TMEFF2: variants seen among roughly 807,000 people sequenced by gnomAD.
The protein encoded by TMEFF2 is tomoregulin-2.
Under a neutral mutation model 53.8 loss-of-function variants are expected in TMEFF2, and 28 were observed. That is an observed-to-expected ratio of 0.52 (90% confidence interval 0.39 to 0.71). TMEFF2 has a LOEUF of 0.71. Among genes scored for constraint, TMEFF2 ranks in the 30% least tolerant of loss-of-function variants. TMEFF2 has a pLI of 0.00. For synonymous variants in TMEFF2, 162 were observed against 166.3 expected (o/e 0.97, Z 0.20); for missense variants, 353 against 455.2 (o/e 0.78, Z 2.04).
intron 4 of TMEFF2, among the ~76,000 whole-genome samples, chr2:192,082,961 A>AT (rs377750674): frequency 0.16 from 23,149 of 142,760 alleles, 2,078 homozygotes; most frequent in East Asian, 0.36. Context: ...TAGAGAGTTG[A>AT]TTTTTTTTTT....
intron 4 of TMEFF2, among the ~76,000 whole-genome samples, chr2:192,107,574 T>C (rs1689177563): frequency 6.6e-6 from 1 of 151,752 alleles, no homozygotes; most frequent in Non-Finnish European, 1.5e-5. Flanking sequence ...AACTGCCCAA[T>C]TTATACAATC....
rs547621844 is a variant in TMEFF2, at chr2:192,089,762, C to T, written c.440-31987G>A. Among the ~76,000 whole-genome samples the T allele has an allele frequency of 6.6e-5, 10 of 152,258 alleles. No individual in the cohort carries two copies. In the South Asian group the frequency reaches 2.1e-3, roughly 32 times the overall value. ...TAACCTCTTTAAGGTTTTGTTTTCTCATCTGTAAAATGGGGACCATAACTC... is the reference window on the plus strand; with the variant it reads ...TAACCTCTTTAAGGTTTTGTTTTCTTATCTGTAAAATGGGGACCATAACTC... On this transcript the variant is annotated intron_variant, in intron 4 of 9. Transcript: ENST00000272771.
At chr2:192,145,851 A>G (rs984636124) in intron 4 of TMEFF2, among the ~76,000 whole-genome samples, 6 of 152,060 alleles carry the variant, frequency 3.9e-5, no homozygotes, top group African/African-American at 1.2e-4. Context: ...ACATCTTGCA[A>G]GCACCATATA....
At chr2:192,048,918 TAAG>T (rs1319327335) in intron 5 of TMEFF2, among the ~76,000 whole-genome samples, 1 of 152,148 alleles carries the variant, frequency 6.6e-6, no homozygotes, top group Non-Finnish European at 1.5e-5. Context: ...ATAACCATGA[TAAG>T]AATAATTCAA....
At chr2:191,969,371 A>G (rs1245726842) in intron 7 of TMEFF2, among the ~76,000 whole-genome samples, 3 of 152,118 alleles carry the variant, frequency 2.0e-5, no homozygotes, top group Non-Finnish European at 2.9e-5. Flanking sequence ...CCATAAAGGT[A>G]CAATCAATCC....
Position 191,950,112 on chromosome 2 carries a change from A to G in TMEFF2, c.*199T>C. 7.5e-7 allele frequency: 1 copy of G among 1,326,420 alleles called. No individual in the cohort carries two copies. The highest frequency in any genetic ancestry group is 9.6e-7 in the Non-Finnish European group (1 of 1,037,396). The allele number at this position is 1,326,420 out of a possible 1,614,324, so 82.2% of individuals were successfully genotyped here. On this transcript the variant is annotated 3_prime_UTR_variant, in exon 10 of 10. Coordinates refer to ENST00000272771, the MANE Select transcript of TMEFF2 (RefSeq NM_016192.4). ...ATAAATAGTTTATTTACATTACAGAAAAAACATCAAGACAATGTATACTAT... is the reference window on the plus strand; with the variant it reads ...ATAAATAGTTTATTTACATTACAGAGAAAACATCAAGACAATGTATACTAT...
intron 7 of TMEFF2, among the ~76,000 whole-genome samples, chr2:191,965,171 G>A (rs1692435257): frequency 6.6e-6 from 1 of 151,934 alleles, no homozygotes; most frequent in Non-Finnish European, 1.5e-5. Flanking sequence ...CACTTTTATG[G>A]AGTTTCATAT....
intron 4 of TMEFF2, among the ~76,000 whole-genome samples, chr2:192,089,740 C>A (rs1386112945): frequency 6.6e-6 from 1 of 152,116 alleles, no homozygotes; most frequent in Non-Finnish European, 1.5e-5. Context: ...CTTTACGTAA[C>A]CTCTTTAAGG....
At chr2:191,957,306 T>A (rs989828788) in intron 7 of TMEFF2, among the ~76,000 whole-genome samples, 1 of 152,208 alleles carries the variant, frequency 6.6e-6, no homozygotes, top group Non-Finnish European at 1.5e-5. Flanking sequence ...AATATGATAT[T>A]CTTGAAAATT....
chr2:191,950,523 G>A, intron 9 of TMEFF2, 116 bp from the exon 10 acceptor site: 1 of 1,388,828 alleles, frequency 7.2e-7, no homozygotes, highest in Non-Finnish European at 1.0e-6. Context: ...TCAGATGAAA[G>A]AATTTATCAT....
chr2:192,022,643 CTTATT>C (rs1030430453), intron 5 of TMEFF2, among the ~76,000 whole-genome samples: 16 of 152,080 alleles, frequency 1.1e-4, no homozygotes, highest in African/African-American at 3.6e-4. Context: ...TAATTAAAAT[CTTATT>C]TTATGATATA....
intron 5 of TMEFF2, among the ~76,000 whole-genome samples, chr2:192,025,335 G>C (rs1298476375): frequency 6.6e-6 from 1 of 151,780 alleles, no homozygotes; most frequent in Non-Finnish European, 1.5e-5. Flanking sequence ...GCTGATGCTG[G>C]GTAAGGTCTT....
chr2:191,959,161 C>A (rs2105790447), intron 7 of TMEFF2, among the ~76,000 whole-genome samples: 1 of 152,280 alleles, frequency 6.6e-6, no homozygotes, highest in East Asian at 1.9e-4. Context: ...ACATTGATTT[C>A]TCTGTCCTCC....
intron 5 of TMEFF2, among the ~76,000 whole-genome samples, chr2:192,049,949 TGA>T (rs887633863): frequency 2.6e-5 from 4 of 151,972 alleles, no homozygotes; most frequent in African/African-American, 9.7e-5. Flanking sequence ...TGCAGTGAGC[TGA>T]GATAGCGCCA....
At chr2:191,955,524 A>ATATTTTTTTT (rs1692048584) in intron 8 of TMEFF2, among the ~76,000 whole-genome samples, 2 of 60,306 alleles carry the variant, frequency 3.3e-5, no homozygotes, top group Non-Finnish European at 5.8e-5. Flanking sequence ...CTAATTCTTA[A>ATATTTTTTTT]TTTTTTTTTT....
At chr2:192,062,879 TCTG>T (rs1310078289) in intron 4 of TMEFF2, among the ~76,000 whole-genome samples, 2 of 152,012 alleles carry the variant, frequency 1.3e-5, no homozygotes, top group Non-Finnish European at 2.9e-5. Context: ...TGTTCCCACG[TCTG>T]CTATTTTATG....
intron 5 of TMEFF2, chr2:192,035,136 C>CAAT (rs1687254344): frequency 1.3e-5 from 2 of 152,158 alleles, no homozygotes; most frequent in South Asian, 4.2e-4. Context: ...CAAACACCCT[C>CAAT]AATATCTCAG....
At chr2:192,140,126 A>C (rs1343755896) in intron 4 of TMEFF2, among the ~76,000 whole-genome samples, 3 of 152,216 alleles carry the variant, frequency 2.0e-5, no homozygotes, top group Non-Finnish European at 1.5e-5. Context: ...TTTAACTGGG[A>C]TAAGGGATGA....
intron 4 of TMEFF2, among the ~76,000 whole-genome samples, chr2:192,141,600 A>G (rs1367091963): frequency 6.6e-6 from 1 of 152,160 alleles, no homozygotes; most frequent in Non-Finnish European, 1.5e-5. Flanking sequence ...GCTAAGAGAA[A>G]CCCTGAACAG....
Sources: gnomAD v4.1 joint callset for allele counts (sites outside exome capture counted in the v4.1 genomes callset) on GRCh38, gnomAD v4.1.1 for gene constraint, MANE v1.5 for transcripts, NCBI Gene and HGNC (gene_info 2026-07-23, HGNC 2026-07-21) for gene names.